CAB39L: variants seen among roughly 807,000 people sequenced by gnomAD.
CAB39L encodes calcium-binding protein 39-like.
A neutral mutation model predicts 39.1 loss-of-function variants in CAB39L; 23 were observed. That is an observed-to-expected ratio of 0.59 (90% confidence interval 0.42 to 0.83). The LOEUF is 0.83. Ranked by LOEUF, CAB39L falls within the 40% of genes least tolerant of loss-of-function variation. The probability of loss-of-function intolerance (pLI) is 0.00; values close to 1 mark genes in which losing one functional copy is unlikely to be tolerated. For synonymous variants in CAB39L, 126 were observed against 137.2 expected, an observed-to-expected ratio of 0.92 and a Z score of 0.57; for missense variants, 366 against 391.9, an observed-to-expected ratio of 0.93 and a Z score of 0.56.
intron 8 of CAB39L, among the ~76,000 whole-genome samples, chr13:49,340,955 A>G (rs1008380682): frequency 1.3e-5 from 2 of 152,204 alleles, no homozygotes; most frequent in African/African-American, 4.8e-5. Flanking sequence ...AAAATTAGGT[A>G]AAAAAGGAGT....
In CAB39L at chr13:49,339,720, A is replaced by T. The variant is rs199783580; in HGVS notation, c.647T>A (p.Leu216Ter). ...AGTAACATAATTCTCAGACTGAAGCAATTTCTCATAGTCTTCAAAAATCTA... is the reference window on the plus strand; with the variant it reads ...AGTAACATAATTCTCAGACTGAAGCTATTTCTCATAGTCTTCAAAAATCTA... ...YDTIFEDYEK[L>*]LQSENYVTKR... The change falls in exon 9 of 11, where the codon TTG becomes TAG. Residue 216 changes from leucine to a stop codon, truncating the protein, a stop_gained. Coordinates refer to ENST00000409308, the MANE Select transcript of CAB39L (RefSeq NM_001079670.3). LOFTEE classifies it high-confidence loss of function. 16 of 1,580,742 alleles carry T rather than the reference A, an allele frequency of 1.0e-5. No homozygotes were observed. Among genetic ancestry groups the T allele is most frequent in the Middle Eastern group, 1.7e-4 (1 of 5,880 alleles).
intron 10 of CAB39L, among the ~76,000 whole-genome samples, chr13:49,325,078 G>A (rs1337981454): frequency 6.6e-6 from 1 of 152,184 alleles, no homozygotes; most frequent in Admixed American, 6.5e-5. Flanking sequence ...CTTGTTTGAT[G>A]ATGTTGCTAA....
At chr13:49,330,277 C>A (rs960460130) in intron 10 of CAB39L, among the ~76,000 whole-genome samples, 2 of 152,178 alleles carry the variant, frequency 1.3e-5, no homozygotes, top group African/African-American at 4.8e-5. Context: ...CCTATTATTA[C>A]TTTTGGCTAA....
At chr13:49,390,663 T>C (rs1175221651) in intron 3 of CAB39L, among the ~76,000 whole-genome samples, 3 of 152,050 alleles carry the variant, frequency 2.0e-5, no homozygotes, top group Admixed American at 6.6e-5. Context: ...CAGGCTGCTA[T>C]GAAAAAGAAG....
chr13:49,391,115 A>G (rs1956480442), intron 3 of CAB39L, among the ~76,000 whole-genome samples: 1 of 152,222 alleles, frequency 6.6e-6, no homozygotes, highest in Admixed American at 6.5e-5. Context: ...TAAAGGGGAA[A>G]AATCTAGAGT....
chr13:49,351,099 A>C (rs957594464), intron 6 of CAB39L, 187 bp from the exon 7 acceptor site: 1 of 400,914 alleles, frequency 2.5e-6, no homozygotes, highest in Non-Finnish European at 4.3e-6. Context: ...CTGGAATTTG[A>C]GTGTATTCTG....
At chr13:49,403,577 C>G (rs1323822316) in intron 3 of CAB39L, among the ~76,000 whole-genome samples, 1 of 151,960 alleles carries the variant, frequency 6.6e-6, no homozygotes, top group Non-Finnish European at 1.5e-5. Flanking sequence ...TTAAAAATAT[C>G]TTCCATAGGT....
At chr13:49,385,317 C>T (rs1006098237) in intron 3 of CAB39L, among the ~76,000 whole-genome samples, 1 of 152,226 alleles carries the variant, frequency 6.6e-6, no homozygotes, top group African/African-American at 2.4e-5. Context: ...TCAGCCTTCA[C>T]AGAACTGAAG....
At chr13:49,386,630 C>A (rs1956367309) in intron 3 of CAB39L, among the ~76,000 whole-genome samples, 1 of 151,948 alleles carries the variant, frequency 6.6e-6, no homozygotes, top group Non-Finnish European at 1.5e-5. Flanking sequence ...AAAATTTCAT[C>A]TTATCATTAT....
In CAB39L at chr13:49,377,433, G is replaced by A. The variant is rs530664387; in HGVS notation, c.112-302C>T. On this transcript the variant is annotated intron_variant, in intron 4 of 10. Transcript: ENST00000409308. The stretch of plus-strand genomic sequence containing the variant: ...TCTCCCTCTGTCTCCCTCTCCCCAC[G>A]GTCTCCCTCTCATGCGGAGCCGAAG... 3.1e-5 allele frequency among the ~76,000 whole-genome samples: 3 copies of A among 95,262 alleles called. No homozygotes were observed. The East Asian group carries it at 6.1e-4, about 20-fold the overall frequency. The allele number at this position is 95,262 out of a possible 152,430, so 62.5% of individuals were successfully genotyped here. A position where few individuals can be genotyped will look rare whatever the true frequency, so the allele number is the denominator to read the frequency against.
chr13:49,325,952 T>A (rs1954484609), intron 10 of CAB39L, among the ~76,000 whole-genome samples: 2 of 152,230 alleles, frequency 1.3e-5, no homozygotes, highest in Admixed American at 1.3e-4. Flanking sequence ...TTGGCTGAAC[T>A]GTCAAGCCGA....
intron 5 of CAB39L, among the ~76,000 whole-genome samples, chr13:49,365,689 TGTTG>T (rs1434512795): frequency 1.3e-5 from 2 of 152,208 alleles, no homozygotes; most frequent in Non-Finnish European, 2.9e-5. Context: ...CCTCATATGC[TGTTG>T]GTAGGAATGT....
Position 49,433,298 on chromosome 13 carries a change from G to A in CAB39L, c.-32+20C>T. 4.6e-6 allele frequency: 2 copies of A among 434,510 alleles called. No homozygotes were observed. The highest frequency in any genetic ancestry group is 2.8e-5 in the Admixed American group (1 of 35,610). The allele number at this position is 434,510 out of a possible 1,614,324, so 26.9% of individuals were successfully genotyped here. A position where few individuals can be genotyped will look rare whatever the true frequency, so the allele number is the denominator to read the frequency against. ...GTCGAGAGCACTTAAAATCTTGATT[G>A]AGTCATCATACTAGCTTACCTTAGA... is the stretch of plus-strand genomic sequence containing the variant. On this transcript the variant is annotated intron_variant, in intron 3 of 10. Transcript: ENST00000409308.
chr13:49,402,935 A>C (rs932927290), intron 3 of CAB39L, among the ~76,000 whole-genome samples: 2 of 152,062 alleles, frequency 1.3e-5, no homozygotes, highest in African/African-American at 4.8e-5. Context: ...ATTCTAAATC[A>C]CTGAGGGTAT....
rs778685712 is a variant in CAB39L, at chr13:49,444,010, T to G, written c.-270A>C. On this transcript the variant is annotated 5_prime_UTR_variant, in exon 1 of 11. Coordinates refer to ENST00000409308, the MANE Select transcript of CAB39L (RefSeq NM_001079670.3). The stretch of plus-strand genomic sequence containing the variant: ...CCGGAGGAAACAGCTGCGCCACCAC[T>G]CCAGTGATGCCGGCCTCTCGACTAC... The G allele has an allele frequency of 1.4e-4, 64 of 456,438 alleles. No homozygotes were observed. Among genetic ancestry groups the G allele is most frequent in the African/African-American group, 7.6e-4 (38 of 50,018 alleles). 28.3% of individuals were successfully genotyped at this position (456,438 alleles called of 1,614,324 possible). A position where few individuals can be genotyped will look rare whatever the true frequency, so the allele number is the denominator to read the frequency against.
chr13:49,367,930 CA>C (rs148092096), intron 5 of CAB39L, among the ~76,000 whole-genome samples: 214 of 134,930 alleles, frequency 1.6e-3, no homozygotes, highest in African/African-American at 2.7e-3. Flanking sequence ...GACCCTGTCT[CA>C]AAAAAAAAAA....
chr13:49,439,510 T>A (rs545485795), intron 1 of CAB39L, among the ~76,000 whole-genome samples: 30 of 152,348 alleles, frequency 2.0e-4, no homozygotes, highest in Admixed American at 3.9e-4. Context: ...GACACATAGG[T>A]TGATTCCACA....
At chr13:49,331,827 C>CA in intron 10 of CAB39L, 120 bp downstream of exon 10, 1 of 925,190 alleles carries the variant, frequency 1.1e-6, no homozygotes. Context: ...ATGCAAAACA[C>CA]AAAGACTGCC....
rs117798159 is a variant in CAB39L at position 49,403,242 on chromosome 13, G to C, written c.-31-20301C>G. ...AGGAAACTGGGTTGAGTATTCAGAAGGATATTGCCTCAGTAGCGGAACCAA... is the reference window on the plus strand; with the variant it reads ...AGGAAACTGGGTTGAGTATTCAGAACGATATTGCCTCAGTAGCGGAACCAA... On this transcript the variant is annotated intron_variant, in intron 3 of 10. Transcript: ENST00000409308. Among the ~76,000 whole-genome samples the C allele has an allele frequency of 3.3e-5, 5 of 152,220 alleles. No individual in the cohort carries two copies. The East Asian group carries it at 9.6e-4, about 29-fold the overall frequency.
Sources: allele counts gnomAD v4.1 joint callset (sites outside exome capture counted in the v4.1 genomes callset), GRCh38; gene constraint gnomAD v4.1.1; transcripts MANE v1.5; gene names NCBI Gene and HGNC (gene_info 2026-07-23, HGNC 2026-07-21).